The following PCP2 variants were observed in gnomAD, a reference collection of about 807,000 sequenced individuals.
PCP2 encodes Purkinje cell protein 2.
PCP2 carries 21 observed loss-of-function variants against 18.3 expected under a neutral mutation model. The observed-to-expected ratio is 1.14, with a 90% CI of 0.81 to 1.65. The LOEUF (loss-of-function observed/expected upper bound fraction) is 1.65. Ranked by LOEUF, PCP2 falls within the 40% of genes most tolerant of loss-of-function variation. The pLI is 0.00. For missense variants in PCP2, 202 were observed against 201.8 expected, an observed-to-expected ratio of 1.00 and a Z score of 0.00; for synonymous variants, 85 against 77.6, an observed-to-expected ratio of 1.10 and a Z score of -0.50.
chr19:7,632,598 C>T lies in PCP2; in HGVS notation c.167-81G>A. On this transcript the variant is annotated intron_variant, in intron 2 of 3. Transcript: ENST00000311069. This position sits in a 1 kb window ranked among gnomAD's most constrained non-coding sequence, Gnocchi z 5.2. ...CTACCCCTTCACCCCCACACAGATGCTTCAGGGTGCACAACCACCTCCCAC... is the reference window on the plus strand; with the variant it reads ...CTACCCCTTCACCCCCACACAGATGTTTCAGGGTGCACAACCACCTCCCAC... The T allele has an allele frequency of 6.3e-7, 1 of 1,593,330 alleles. No homozygotes were observed. Among genetic ancestry groups the T allele is most frequent in the Non-Finnish European group, 8.5e-7 (1 of 1,171,308 alleles).
chr19:7,632,862 C>T lies in PCP2; in HGVS notation c.52-32G>A. The T allele has an allele frequency of 6.5e-7, 1 of 1,539,426 alleles. No homozygotes were observed. The highest frequency in any genetic ancestry group is 8.7e-7 in the Non-Finnish European group (1 of 1,145,280). On this transcript the variant is annotated intron_variant, in intron 1 of 3. Transcript: ENST00000311069. The surrounding 1 kb of genome is among the most constrained non-coding windows in gnomAD (Gnocchi z 5.2). ...ACAGACTCGCTCAGTCTGGTTGGCC[C>T]TTCAGCTTGGGGGCCCCTCCCCAAA...
chr19:7,633,175 C>T (rs1229289001), intron 1 of PCP2, among the ~76,000 whole-genome samples: 2 of 152,160 alleles, frequency 1.3e-5, no homozygotes, highest in East Asian at 1.9e-4. Flanking sequence ...CCAGGAGCTA[C>T]CCCCAGGTCC....
In PCP2 at chr19:7,631,721, T is replaced by C; in HGVS notation, c.379A>G (p.Ser127Gly). 2 of 1,446,406 alleles carry C rather than the reference T, an allele frequency of 1.4e-6. No homozygotes were observed. The highest frequency in any genetic ancestry group is 1.8e-6 in the Non-Finnish European group (2 of 1,097,952). The allele number at this position is 1,446,406 out of a possible 1,614,324, so 89.6% of individuals were successfully genotyped here. Residue 127 changes from serine (S) to glycine (G), a missense_variant, in exon 4 of 4, where the codon AGC (serine) becomes GGC (glycine). Physicochemically the swap from Ser to Gly is moderately conservative, Grantham distance 56. Transcript: ENST00000311069. Reference protein sequence around the residue: ...DPTALGFRRNSSPQPPTQAP With the variant: ...DPTALGFRRNGSPQPPTQAP ...GCTTGTGTCGGGGGCTGGGGGCTGC[T>C]GTTCCGACGGAAGCCGAGAGCGGTC...
rs771326803 is a variant in PCP2 at position 7,632,795 on chromosome 19, C to G, written c.87G>C (p.Leu29=). The change falls in exon 2 of 4, where the codon CTG becomes CTC. Residue 29 remains leucine, a synonymous_variant. Transcript: ENST00000311069. This position sits in a 1 kb window ranked among gnomAD's most constrained non-coding sequence, Gnocchi z 5.2. ...TCCGGTCGCCCTGCACGTGGCTCAGCAGATTGAAGAAGCCCTCCTGGTCTG... is the reference window on the plus strand; with the variant it reads ...TCCGGTCGCCCTGCACGTGGCTCAGGAGATTGAAGAAGCCCTCCTGGTCTG... ...GSPDQEGFFN[L]LSHVQGDRME... 2.6e-6 allele frequency: 4 copies of G among 1,563,000 alleles called. No individual in the cohort carries two copies. The highest frequency in any genetic ancestry group is 2.3e-5 in the South Asian group (2 of 85,356).
upstream of PCP2, among the ~76,000 whole-genome samples, chr19:7,635,666 A>T (rs1180184659): frequency 6.6e-6 from 1 of 152,214 alleles, no homozygotes; most frequent in Non-Finnish European, 1.5e-5. Flanking sequence ...ACTGCCCTCC[A>T]GCCTGAGCAA....
chr19:7,635,288 A>G (rs79588320), upstream of PCP2, among the ~76,000 whole-genome samples: 1,430 of 152,262 alleles, frequency 9.4e-3, 24 homozygotes, highest in African/African-American at 0.031. Context: ...ATGTTCTAAA[A>G]TGGATTGTGG....
In PCP2 at chr19:7,631,704, C is replaced by T. The variant is rs376970140; in HGVS notation, c.396G>A (p.Pro132=). The change falls in exon 4 of 4, where the codon CCG becomes CCA. Residue 132 remains proline (P), a synonymous_variant. Coordinates refer to ENST00000311069, the MANE Select transcript of PCP2 (RefSeq NM_174895.3). ...CCTCAGGCCCTCAGGGGGCTTGTGTCGGGGGCTGGGGGCTGCTGTTCCGAC... is the reference window on the plus strand; with the variant it reads ...CCTCAGGCCCTCAGGGGGCTTGTGTTGGGGGCTGGGGGCTGCTGTTCCGAC... The part of the protein sequence containing the change: ...GFRRNSSPQP[P]TQAP The T allele has an allele frequency of 1.5e-5, 21 of 1,442,720 alleles. No individual in the cohort carries two copies. The highest frequency in any genetic ancestry group is 3.1e-5 in the South Asian group (2 of 64,290). The allele number at this position is 1,442,720 out of a possible 1,614,324, so 89.4% of individuals were successfully genotyped here.
upstream of PCP2, among the ~76,000 whole-genome samples, chr19:7,634,548 T>C (rs1208138714): frequency 6.6e-6 from 1 of 152,238 alleles, no homozygotes; most frequent in East Asian, 1.9e-4. Context: ...TATATATTTT[T>C]ATATAGAGAT....
Position 7,632,329 on chromosome 19 carries a change from GA to G in PCP2, c.291+63del. The G allele has an allele frequency of 6.3e-7, 1 of 1,598,038 alleles. No individual in the cohort carries two copies. Among genetic ancestry groups the G allele is most frequent in the Non-Finnish European group, 8.5e-7 (1 of 1,172,446 alleles). On this transcript the variant is annotated intron_variant, in intron 3 of 3. Coordinates refer to ENST00000311069, the MANE Select transcript of PCP2 (RefSeq NM_174895.3). The surrounding 1 kb of genome is among the most constrained non-coding windows in gnomAD (Gnocchi z 5.2). Reference sequence around the variant, plus strand: ...GCCCTGTTCCCTCCTGGCTGGGGTGGAGGGCAGGATCGGAGAGCACTGCCTG... The same window carrying G: ...GCCCTGTTCCCTCCTGGCTGGGGTGGGGGCAGGATCGGAGAGCACTGCCTG...
At position 7,632,883 on chromosome 19, in the gene PCP2, C is replaced by T. The variant is rs2031386310; in HGVS notation, c.52-53G>A. 1.3e-6 allele frequency: 2 copies of T among 1,532,824 alleles called. No homozygotes were observed. Among genetic ancestry groups the T allele is most frequent in the Non-Finnish European group, 1.8e-6 (2 of 1,142,708 alleles). 95.0% of individuals were successfully genotyped at this position (1,532,824 alleles called of 1,614,324 possible). On this transcript the variant is annotated intron_variant, in intron 1 of 3. Coordinates refer to ENST00000311069, the MANE Select transcript of PCP2 (RefSeq NM_174895.3). This position sits in a 1 kb window ranked among gnomAD's most constrained non-coding sequence, Gnocchi z 5.2. ...GGCCCTTCAGCTTGGGGGCCCCTCC[C>T]CAAACTTCCTAGCCAGCTTGCTCAC...
chr19:7,634,936 A>T (rs1488075049), upstream of PCP2, among the ~76,000 whole-genome samples: 1 of 152,154 alleles, frequency 6.6e-6, no homozygotes, highest in African/African-American at 2.4e-5. Flanking sequence ...CCAACCACCT[A>T]CACAGAACCA....
At chr19:7,634,775 G>A (rs967392263), upstream of PCP2, among the ~76,000 whole-genome samples, 1 of 152,184 alleles carries the variant, frequency 6.6e-6, no homozygotes, top group Non-Finnish European at 1.5e-5. Flanking sequence ...CAGGTCTCAG[G>A]AGCCCTCCTT....
At position 7,632,282 on chromosome 19, in the gene PCP2, CG is replaced by C. The variant is rs1212651669; in HGVS notation, c.291+110del. The C allele has an allele frequency of 1.3e-6, 2 of 1,494,656 alleles. No individual in the cohort carries two copies. Among genetic ancestry groups the C allele is most frequent in the African/African-American group, 2.8e-5 (2 of 72,600 alleles). The allele number at this position is 1,494,656 out of a possible 1,614,324, so 92.6% of individuals were successfully genotyped here. Reference sequence around the variant, plus strand: ...GTCCTCCCATCTGAAGTCAGGGCAGCGGATGGACAGAGATGGGGCAGGCCCT... The same window carrying C: ...GTCCTCCCATCTGAAGTCAGGGCAGCGATGGACAGAGATGGGGCAGGCCCT... On this transcript the variant is annotated intron_variant, in intron 3 of 3. Coordinates refer to ENST00000311069, the MANE Select transcript of PCP2 (RefSeq NM_174895.3). The surrounding 1 kb of genome is among the most constrained non-coding windows in gnomAD (Gnocchi z 5.2).
At chr19:7,634,067 GCCCCAGA>G (rs1305623201), upstream of PCP2, among the ~76,000 whole-genome samples, 4 of 152,082 alleles carry the variant, frequency 2.6e-5, no homozygotes, top group African/African-American at 9.7e-5. Context: ...CTGGTTGCCT[GCCCCAGA>G]CCCCAAAACA....
Position 7,632,004 on chromosome 19 carries a change from A to G in PCP2, c.292-196T>C, listed in dbSNP as rs74576782. On this transcript the variant is annotated intron_variant, in intron 3 of 3. Coordinates refer to ENST00000311069, the MANE Select transcript of PCP2 (RefSeq NM_174895.3). The surrounding 1 kb of genome is among the most constrained non-coding windows in gnomAD (Gnocchi z 5.2). The stretch of plus-strand genomic sequence containing the variant: ...GGCAGGTCTTGGGGCCCTCGCTGGG[A>G]TCTTGATCAGAACCCAAGCTTCGTG... 0.02 allele frequency: 10,116 copies of G among 512,432 alleles called. 407 individuals carry two copies. Among genetic ancestry groups the G allele is most frequent in the Admixed American group, 0.12 (3,277 of 26,266 alleles). The allele number at this position is 512,432 out of a possible 1,614,324, so 31.7% of individuals were successfully genotyped here.
intron 1 of PCP2, among the ~76,000 whole-genome samples, 169 bp downstream of exon 1, chr19:7,633,238 G>C (rs1423362659): frequency 6.6e-6 from 1 of 152,210 alleles, no homozygotes; most frequent in Non-Finnish European, 1.5e-5. Context: ...CTCTGCCCTG[G>C]GGCCTGGCAC....
chr19:7,632,772 C>A lies in PCP2; in HGVS notation c.110G>T (p.Arg37Leu). The part of the protein sequence containing the change: ...FNLLSHVQGD[R>L]MEGQRCSLQA... ...CAGTGAACAGCGCTGTCCCTCCATC[C>A]GGTCGCCCTGCACGTGGCTCAGCAG... The change falls in exon 2 of 4, where the codon CGG becomes CTG. Residue 37 changes from arginine to leucine, a missense_variant. By Grantham distance (102) the Arg-to-Leu change is moderately radical (BLOSUM62 -2). Transcript: ENST00000311069. This position sits in a 1 kb window ranked among gnomAD's most constrained non-coding sequence, Gnocchi z 5.2. 2 of 1,568,094 alleles carry A rather than the reference C, an allele frequency of 1.3e-6. No homozygotes were observed. The highest frequency in any genetic ancestry group is 4.7e-5 in the East Asian group (2 of 42,374).
rs551337173 is a variant in PCP2, at chr19:7,632,957, G to A, written c.52-127C>T. ...CCCCACTTCCTCAGCTCTCACCATG[G>A]TCCCCGCCGATCCTCTCTGCAGAGC... is the stretch of plus-strand genomic sequence containing the variant. On this transcript the variant is annotated intron_variant, in intron 1 of 3. Transcript: ENST00000311069. The surrounding 1 kb of genome is among the most constrained non-coding windows in gnomAD (Gnocchi z 5.2). 1.6e-5 allele frequency: 24 copies of A among 1,472,742 alleles called. No homozygotes were observed. The South Asian group carries it at 2.9e-4, about 17-fold the overall frequency. 91.2% of individuals were successfully genotyped at this position (1,472,742 alleles called of 1,614,324 possible).
chr19:7,633,446 C>G lies in PCP2; in HGVS notation c.12G>C (p.Gln4His). 1 of 1,577,420 alleles carries G rather than the reference C, an allele frequency of 6.3e-7. No homozygotes were observed. The highest frequency in any genetic ancestry group is 8.6e-7 in the Non-Finnish European group (1 of 1,160,212). MMD[Q>H]EEKTEEGSGP... ...CTGAGCCTTCCTCCGTCTTCTCCTC[C>G]TGATCCATCATGTCCCTGGACTCCA... is the stretch of plus-strand genomic sequence containing the variant. The change falls in exon 1 of 4, where the codon CAG becomes CAC. Residue 4 changes from glutamine (Q) to histidine (H), a missense_variant. Transcript: ENST00000311069.
Sources: allele counts gnomAD v4.1 joint callset (sites outside exome capture counted in the v4.1 genomes callset), GRCh38; gene constraint gnomAD v4.1.1; non-coding constraint Gnocchi (gnomAD v3.1); transcripts MANE v1.5; gene names NCBI Gene and HGNC (gene_info 2026-07-23, HGNC 2026-07-21).